The following DIAPH2 variants were observed in gnomAD, a reference collection of about 807,000 sequenced individuals.
DIAPH2 encodes the protein diaphanous related formin 2, also known as protein diaphanous homolog 2.
DIAPH2 carries 35 observed loss-of-function variants against 92.7 expected under a neutral mutation model. The ratio of observed to expected loss-of-function variants is 0.38; its 90% CI spans 0.29 to 0.50. The LOEUF (loss-of-function observed/expected upper bound fraction) is 0.50, where lower values mean the gene tolerates loss of function less well. Among genes scored for constraint, DIAPH2 ranks in the 20% least tolerant of loss-of-function variants. The pLI is 0.94. For synonymous variants in DIAPH2, 301 were observed against 280.4 expected (o/e 1.07, Z -0.73); for missense variants, 701 against 819.5 (o/e 0.86, Z 1.77).
At chrX:97,165,171 G>T (rs183570945) in intron 22 of DIAPH2, among the ~76,000 whole-genome samples, 1 of 111,561 alleles carries the variant, frequency 9.0e-6, no homozygotes, top group African/African-American at 3.3e-5. Flanking sequence ...TGCTAGGAAA[G>T]AAACAGAGTG....
At chrX:96,809,317 C>T (rs1334037634) in intron 4 of DIAPH2, among the ~76,000 whole-genome samples, 3 of 99,734 alleles carry the variant, frequency 3.0e-5, no homozygotes, top group African/African-American at 7.6e-5. Context: ...TATTGTATGG[C>T]GGTCTTTAAA....
intron 23 of DIAPH2, among the ~76,000 whole-genome samples, chrX:97,301,046 G>A (rs1001672151): frequency 9.3e-5 from 9 of 97,204 alleles, no homozygotes; most frequent in Non-Finnish European, 1.6e-4. Context: ...GCTCACGCCT[G>A]TAATCCCAGC....
intron 1 of DIAPH2, among the ~76,000 whole-genome samples, chrX:96,686,590 GA>G (rs1391007018): frequency 9.0e-6 from 1 of 111,615 alleles, no homozygotes; most frequent in Non-Finnish European, 1.9e-5. Flanking sequence ...GTTCCGTGTT[GA>G]ACATAGCTTG....
intron 19 of DIAPH2, among the ~76,000 whole-genome samples, chrX:97,095,098 CTTTTTTTTTTTTTT>C (rs61350837): frequency 9.4e-4 from 21 of 22,409 alleles, no homozygotes; most frequent in Non-Finnish European, 1.5e-3. Flanking sequence ...GTTTCTTTTT[CTTTTTTTTTTTTTT>C]TTTTTTTTTT....
intron 17 of DIAPH2, among the ~76,000 whole-genome samples, chrX:97,038,532 C>CT (rs756037796): frequency 2.1e-3 from 202 of 94,479 alleles, no homozygotes; most frequent in Middle Eastern, 5.5e-3. Flanking sequence ...TGTTTTTTGA[C>CT]TTTTTTTTTT....
chrX:97,340,662 T>TG (rs1226226809), intron 23 of DIAPH2, among the ~76,000 whole-genome samples: 356 of 106,463 alleles, frequency 3.3e-3, no homozygotes, highest in African/African-American at 0.012. Context: ...TTTTTTGTTT[T>TG]TTTTTTTTTT....
At chrX:97,259,326 CA>C (rs968276142) in intron 23 of DIAPH2, among the ~76,000 whole-genome samples, 1 of 108,600 alleles carries the variant, frequency 9.2e-6, no homozygotes, top group Non-Finnish European at 1.9e-5. Flanking sequence ...GACTCCGTCT[CA>C]AAAAAAAAGA....
chrX:96,917,775 CTTTT>C (rs1201784904), intron 8 of DIAPH2, among the ~76,000 whole-genome samples: 1 of 110,101 alleles, frequency 9.1e-6, no homozygotes, highest in African/African-American at 3.3e-5. Context: ...TTTTTAGAGT[CTTTT>C]TTCTTTTTCC....
At chrX:97,345,666 T>C (rs2069150398) in intron 23 of DIAPH2, among the ~76,000 whole-genome samples, 1 of 112,282 alleles carries the variant, frequency 8.9e-6, no homozygotes, top group Non-Finnish European at 1.9e-5. Context: ...TCCAAGTCTA[T>C]TACTTTTGCA....
chrX:96,952,973 G>T (rs906868552), intron 15 of DIAPH2, among the ~76,000 whole-genome samples: 7 of 107,626 alleles, frequency 6.5e-5, no homozygotes, highest in African/African-American at 2.4e-4. Context: ...AAAAAAATTA[G>T]CCTGGGGTAG....
At chrX:96,812,407 C>G (rs938497909) in intron 4 of DIAPH2, among the ~76,000 whole-genome samples, 2 of 111,633 alleles carry the variant, frequency 1.8e-5, no homozygotes, top group African/African-American at 3.3e-5. Context: ...CAATTCTTCT[C>G]TCTTTTCTTC....
chrX:97,334,687 C>CAA (rs1258707312), intron 23 of DIAPH2, among the ~76,000 whole-genome samples: 9 of 95,848 alleles, frequency 9.4e-5, no homozygotes, highest in South Asian at 4.7e-4. Context: ...CAAAACAAAA[C>CAA]AAAAAAAAAA....
intron 25 of DIAPH2, among the ~76,000 whole-genome samples, chrX:97,406,727 C>T: frequency 9.0e-6 from 1 of 111,418 alleles, no homozygotes; most frequent in Non-Finnish European, 1.9e-5. Flanking sequence ...TGCAATTTCC[C>T]CCTGTTGATA....
At chrX:96,856,285 C>T (rs1022906584) in intron 4 of DIAPH2, among the ~76,000 whole-genome samples, 4 of 111,277 alleles carry the variant, frequency 3.6e-5, no homozygotes, top group Non-Finnish European at 5.6e-5. Context: ...CAGCAAATTT[C>T]ACTGTGCCTA....
intron 4 of DIAPH2, among the ~76,000 whole-genome samples, chrX:96,874,249 A>C (rs974571150): frequency 8.9e-6 from 1 of 112,008 alleles, no homozygotes; most frequent in Non-Finnish European, 1.9e-5. Context: ...CCCTGACTTT[A>C]TATCTTTTTA....
intron 17 of DIAPH2, among the ~76,000 whole-genome samples, chrX:96,997,753 G>T (rs5966607): frequency 0.017 from 1,878 of 110,436 alleles, 38 homozygotes; most frequent in African/African-American, 0.058. Context: ...CTCCATCTCA[G>T]TAATCATCTT....
chrX:97,395,380 G>C (rs1014898615), intron 25 of DIAPH2, among the ~76,000 whole-genome samples: 3 of 111,844 alleles, frequency 2.7e-5, no homozygotes, highest in African/African-American at 9.8e-5. Flanking sequence ...AAAATGTGCA[G>C]CAGCATGTGG....
intron 26 of DIAPH2, among the ~76,000 whole-genome samples, chrX:97,508,416 T>C (rs1909747102): frequency 8.9e-6 from 1 of 112,331 alleles, no homozygotes; most frequent in Non-Finnish European, 1.9e-5. Context: ...AACATACTAC[T>C]GTATGTGCTG....
chrX:97,584,141 G>A (rs1039653936), intron 26 of DIAPH2, among the ~76,000 whole-genome samples: 3 of 112,210 alleles, frequency 2.7e-5, no homozygotes, highest in Non-Finnish European at 3.8e-5. Context: ...GTTCTGCGTC[G>A]CTCAGGCTGG....
Sources: gnomAD v4.1 joint callset for allele counts (sites outside exome capture counted in the v4.1 genomes callset) on GRCh38, gnomAD v4.1.1 for gene constraint, MANE v1.5 for transcripts, NCBI Gene and HGNC (gene_info 2026-07-23, HGNC 2026-07-21) for gene names.